The following AGBL4 variants were observed in gnomAD, a reference collection of about 807,000 sequenced individuals.
The protein encoded by AGBL4 is cytosolic carboxypeptidase 6.
In AGBL4, 58 loss-of-function variants were observed where a neutral mutation model predicts 66.4. That is an observed-to-expected ratio of 0.87 (90% confidence interval 0.71 to 1.09). The LOEUF (loss-of-function observed/expected upper bound fraction) is 1.09. AGBL4 is among the 50% of genes least tolerant of loss of function. The pLI is 0.00. For missense variants in AGBL4, 579 were observed against 631.0 expected (o/e 0.92, Z 0.88); for synonymous variants, 234 against 222.9 (o/e 1.05, Z -0.44).
intron 9 of AGBL4, among the ~76,000 whole-genome samples, chr1:48,599,016 T>C (rs1645037730): frequency 6.6e-6 from 1 of 152,160 alleles, no homozygotes; most frequent in Non-Finnish European, 1.5e-5. Flanking sequence ...CATTTTTTGT[T>C]GAAAACTAAG....
chr1:48,870,902 G>GT (rs1345014112), intron 5 of AGBL4, among the ~76,000 whole-genome samples: 1 of 152,182 alleles, frequency 6.6e-6, no homozygotes, highest in African/African-American at 2.4e-5. Context: ...AAACAAAAGT[G>GT]TATGTTCCAG....
At chr1:49,650,076 T>C (rs991158106) in intron 3 of AGBL4, among the ~76,000 whole-genome samples, 9 of 152,204 alleles carry the variant, frequency 5.9e-5, no homozygotes, top group Non-Finnish European at 1.3e-4. Flanking sequence ...TTCCTTTTAG[T>C]AAAATATTTG....
chr1:49,435,819 G>GAAATTCTTCATTTAATTAGATTAATTA (rs1340246296), intron 3 of AGBL4, among the ~76,000 whole-genome samples: 1 of 152,150 alleles, frequency 6.6e-6, no homozygotes, highest in Non-Finnish European at 1.5e-5. Context: ...GAAGAAAATA[G>GAAATTCTTCATTTAATTAGATTAATTA]AGCTTAGTTA....
intron 3 of AGBL4, among the ~76,000 whole-genome samples, chr1:49,581,214 A>G (rs1025987019): frequency 1.3e-5 from 2 of 151,976 alleles, no homozygotes; most frequent in Non-Finnish European, 2.9e-5. Flanking sequence ...AAAGATATAT[A>G]TTTCCTTGGT....
intron 3 of AGBL4, among the ~76,000 whole-genome samples, chr1:49,553,930 GAGTTCTAGAGCAGA>G (rs970663686): frequency 3.2e-4 from 48 of 152,258 alleles, no homozygotes; most frequent in African/African-American, 1.1e-3. Context: ...CTTGAAGCAG[GAGTTCTAGAGCAGA>G]CTGAGCAACA....
intron 6 of AGBL4, among the ~76,000 whole-genome samples, chr1:48,729,628 G>T (rs938263736): frequency 6.6e-6 from 1 of 151,922 alleles, no homozygotes; most frequent in Non-Finnish European, 1.5e-5. Flanking sequence ...AAGGGAGTAG[G>T]TATGGGGCAG....
At chr1:49,296,931 C>T (rs1346677617) in intron 3 of AGBL4, among the ~76,000 whole-genome samples, 1 of 152,192 alleles carries the variant, frequency 6.6e-6, no homozygotes, top group Non-Finnish European at 1.5e-5. Context: ...GCACAATAGA[C>T]TCCACATTTG....
At chr1:49,981,798 C>A (rs1482556560) in intron 1 of AGBL4, among the ~76,000 whole-genome samples, 1 of 152,186 alleles carries the variant, frequency 6.6e-6, no homozygotes, top group African/African-American at 2.4e-5. Context: ...AGCCTGGGGA[C>A]AATCTGGTAA....
intron 2 of AGBL4, among the ~76,000 whole-genome samples, chr1:49,700,933 T>TA (rs1049589625): frequency 2.0e-5 from 3 of 151,884 alleles, no homozygotes; most frequent in African/African-American, 4.8e-5. Context: ...CAGAAAATGT[T>TA]AAAAAAAATT....
chr1:49,887,767 C>T (rs1275043731), intron 1 of AGBL4, among the ~76,000 whole-genome samples: 1 of 152,098 alleles, frequency 6.6e-6, no homozygotes, highest in Non-Finnish European at 1.5e-5. Context: ...GTGAAAATGA[C>T]AGATATCTGC....
rs200375125 is a variant in AGBL4 at position 48,779,704 on chromosome 1, C to CTT, written c.634+87485_634+87486dup. Among the ~76,000 whole-genome samples, 1,108 of 136,998 alleles carry CTT rather than the reference C, an allele frequency of 8.1e-3. 18 individuals carry two copies. The highest frequency in any genetic ancestry group is 0.028 in the African/African-American group (997 of 36,114). The allele number at this position is 136,998 out of a possible 152,430, so 89.9% of individuals were successfully genotyped here. A position where few individuals can be genotyped will look rare whatever the true frequency, so the allele number is the denominator to read the frequency against. ...TTTTTTCTTGAAAGTCTGTTCCTCT[C>CTT]TTTTTTTTTTTTTTTTTTTTTTTCT... On this transcript the variant is annotated intron_variant, in intron 6 of 13. Transcript: ENST00000371839.
At chr1:48,728,294 T>C (rs942904000) in intron 6 of AGBL4, among the ~76,000 whole-genome samples, 3 of 152,198 alleles carry the variant, frequency 2.0e-5, no homozygotes, top group Non-Finnish European at 4.4e-5. Flanking sequence ...AGGATACTAT[T>C]GGTTCCTCCC....
At chr1:50,001,417 TTGTGTGTGTG>T (rs35073061) in intron 1 of AGBL4, among the ~76,000 whole-genome samples, 2 of 146,970 alleles carry the variant, frequency 1.4e-5, no homozygotes, top group South Asian at 2.2e-4. Context: ...AAAAAATAAT[TTGTGTGTGTG>T]TGTGTGTGTG....
At position 48,694,048 on chromosome 1, in the gene AGBL4, C is replaced by CAAAA. The variant is rs61574470; in HGVS notation, c.635-30811_635-30808dup. Among the ~76,000 whole-genome samples the CAAAA allele has an allele frequency of 1.9e-4, 11 of 57,004 alleles. 1 individual carries two copies. Among genetic ancestry groups the CAAAA allele is most frequent in the Admixed American group, 4.2e-4 (2 of 4,750 alleles). 37.4% of individuals were successfully genotyped at this position (57,004 alleles called of 152,430 possible). On this transcript the variant is annotated intron_variant, in intron 6 of 13. Coordinates refer to ENST00000371839, the MANE Select transcript of AGBL4 (RefSeq NM_032785.4). ...CCCCTGACCTGATTTTTTCCCTATT[C>CAAAA]AAAAAAAAAAAAAAAAAAAAAGCGG...
intron 4 of AGBL4, among the ~76,000 whole-genome samples, chr1:49,156,174 G>A (rs1395814496): frequency 3.3e-5 from 5 of 152,036 alleles, no homozygotes; most frequent in South Asian, 2.1e-4. Context: ...AACACATCAC[G>A]GTAACAGCTC....
chr1:48,590,179 C>T lies in AGBL4; in HGVS notation c.1104+654G>A, dbSNP rs781137510. Reference sequence around the variant, plus strand: ...CAGCACATTGGGAGGCCGAGGCGGGCGGATCACCTGAGGTTGGGAGTTCGA... The same window carrying T: ...CAGCACATTGGGAGGCCGAGGCGGGTGGATCACCTGAGGTTGGGAGTTCGA... On this transcript the variant is annotated intron_variant, in intron 10 of 13. Transcript: ENST00000371839. 1.3e-3 allele frequency among the ~76,000 whole-genome samples: 203 copies of T among 152,086 alleles called. 1 individual carries two copies. The highest frequency in any genetic ancestry group is 4.7e-3 in the Admixed American group (72 of 15,278).
chr1:48,572,765 A>G (rs1644587914), intron 11 of AGBL4, among the ~76,000 whole-genome samples: 1 of 152,142 alleles, frequency 6.6e-6, no homozygotes, highest in South Asian at 2.1e-4. Context: ...GCCCTGACAA[A>G]GGACCAGGCT....
chr1:49,254,549 T>C (rs1286762271), intron 3 of AGBL4, among the ~76,000 whole-genome samples: 2 of 152,224 alleles, frequency 1.3e-5, no homozygotes, highest in African/African-American at 2.4e-5. Flanking sequence ...TCCATGTTCA[T>C]GGATAGGAAG....
chr1:49,641,080 G>GA (rs1645772566), intron 3 of AGBL4, among the ~76,000 whole-genome samples: 2 of 151,840 alleles, frequency 1.3e-5, no homozygotes, highest in South Asian at 4.2e-4. Context: ...CTAAAAGTTG[G>GA]AAAAAATGAC....
Sources: allele counts gnomAD v4.1 joint callset (sites outside exome capture counted in the v4.1 genomes callset), GRCh38; gene constraint gnomAD v4.1.1; transcripts MANE v1.5; gene names NCBI Gene and HGNC (gene_info 2026-07-23, HGNC 2026-07-21).